Variants in DNAH8 observed in about 807,000 individuals in gnomAD.
DNAH8 encodes the protein dynein axonemal heavy chain 8.
Under a neutral mutation model 562.1 loss-of-function variants are expected in DNAH8, and 382 were observed. The observed-to-expected ratio is 0.68, with a 90% CI of 0.63 to 0.74. The LOEUF (loss-of-function observed/expected upper bound fraction) is 0.74. Ranked by LOEUF, DNAH8 falls within the 30% of genes least tolerant of loss-of-function variation. The pLI is 0.00. For synonymous variants in DNAH8, 1,881 were observed against 1,919.4 expected, an observed-to-expected ratio of 0.98 and a Z score of 0.52; for missense variants, 5,203 against 5,620.4, an observed-to-expected ratio of 0.93 and a Z score of 2.37.
chr6:38,813,148 C>A (rs1344008965), intron 24 of DNAH8, among the ~76,000 whole-genome samples: 1 of 152,094 alleles, frequency 6.6e-6, no homozygotes, highest in African/African-American at 2.4e-5. Context: ...CTTTATTATT[C>A]AACTGTTCCT....
chr6:38,731,960 C>A (rs1275707735), intron 4 of DNAH8, among the ~76,000 whole-genome samples: 1 of 152,218 alleles, frequency 6.6e-6, no homozygotes, highest in Non-Finnish European at 1.5e-5. Flanking sequence ...AGGTGATCCA[C>A]CTGCCTCGGC....
At chr6:38,934,601 A>G (rs1488626980) in intron 76 of DNAH8, among the ~76,000 whole-genome samples, 4 of 152,208 alleles carry the variant, frequency 2.6e-5, no homozygotes, top group Non-Finnish European at 4.4e-5. Flanking sequence ...GTATAAAATC[A>G]GAAGAAAAAT....
rs1256229286 is a variant in DNAH8, at chr6:39,026,641, A to G, written c.13810A>G (p.Lys4604Glu). The change falls in exon 92 of 93, where the codon AAG becomes GAG. Residue 4604 changes from lysine to glutamate, a missense_variant. Around this residue, in one of 6 missense-constraint regions of DNAH8, gnomAD observed 1,399 missense variants for 1,518.4 expected, o/e 0.92. Transcript: ENST00000327475. ...CCACAATGAAGTTCTGAGACAGACC[A>G]AGGAGGAGATCACGTCACCCCCTGG... ...TIHNEVLRQT[K>E]EEITSPPGEG... 5 of 1,613,582 alleles carry G rather than the reference A, an allele frequency of 3.1e-6. No individual in the cohort carries two copies. The African/African-American group carries it at 4.0e-5, about 13-fold the overall frequency.
chr6:38,825,507 T>C (rs987622773), intron 28 of DNAH8, among the ~76,000 whole-genome samples: 2 of 152,176 alleles, frequency 1.3e-5, no homozygotes, highest in African/African-American at 4.8e-5. Flanking sequence ...AGGGACAGTA[T>C]AGGAAGCTGA....
chr6:38,912,153 A>G (rs190971651), intron 66 of DNAH8, among the ~76,000 whole-genome samples: 121 of 152,216 alleles, frequency 7.9e-4, no homozygotes, highest in Non-Finnish European at 9.3e-4. Flanking sequence ...CTTAGTTCTT[A>G]TTTTTCAAGT....
chr6:38,866,870 T>C lies in DNAH8; in HGVS notation c.6687T>C (p.Thr2229=), dbSNP rs776574833. The change falls in exon 47 of 93, where the codon ACT becomes ACC. Residue 2229 remains threonine, a synonymous_variant. Transcript: ENST00000327475. ...VLYKLCEEQL[T]KQVHYDFGLR... ...ACAAACTCTGTGAAGAGCAACTTAC[T>C]AAACAGGTAACTTTATAGATCTGCT... is the stretch of plus-strand genomic sequence containing the variant. The C allele has an allele frequency of 2.5e-6, 4 of 1,591,542 alleles. No homozygotes were observed. The highest frequency in any genetic ancestry group is 1.3e-5 in the African/African-American group (1 of 74,512).
chr6:38,896,603 A>C (rs1256990390), intron 60 of DNAH8, among the ~76,000 whole-genome samples: 3 of 150,494 alleles, frequency 2.0e-5, no homozygotes, highest in Non-Finnish European at 4.5e-5. Context: ...ACAAACAAAC[A>C]AACAAAAAAA....
intron 88 of DNAH8, among the ~76,000 whole-genome samples, chr6:38,999,745 A>G (rs1238250993): frequency 6.6e-6 from 1 of 151,700 alleles, no homozygotes; most frequent in Non-Finnish European, 1.5e-5. Context: ...TGAACTTATC[A>G]ATTGTCAAAG....
At chr6:38,996,696 T>TCG (rs1765155501) in intron 88 of DNAH8, among the ~76,000 whole-genome samples, 1 of 149,108 alleles carries the variant, frequency 6.7e-6, no homozygotes, top group Non-Finnish European at 1.5e-5. Flanking sequence ...AAGGGGGGAC[T>TCG]GATAGGACTT....
At chr6:38,984,953 G>T (rs909683283) in intron 87 of DNAH8, among the ~76,000 whole-genome samples, 1 of 152,068 alleles carries the variant, frequency 6.6e-6, no homozygotes, top group Non-Finnish European at 1.5e-5. Flanking sequence ...CCGCATTCCT[G>T]TGCACCTCAC....
chr6:38,964,848 G>A (rs1037110066), intron 82 of DNAH8, among the ~76,000 whole-genome samples: 1 of 152,040 alleles, frequency 6.6e-6, no homozygotes, highest in South Asian at 2.1e-4. Context: ...GATCATTTGA[G>A]GTCAGGAGTT....
At chr6:38,895,525 A>C (rs529787167) in intron 59 of DNAH8, among the ~76,000 whole-genome samples, 1 of 152,330 alleles carries the variant, frequency 6.6e-6, no homozygotes, top group East Asian at 1.9e-4. Context: ...CTTTAAAGTT[A>C]AACAATCCCA....
At chr6:38,987,885 C>T (rs1764507112) in intron 87 of DNAH8, among the ~76,000 whole-genome samples, 1 of 152,198 alleles carries the variant, frequency 6.6e-6, no homozygotes, top group Admixed American at 6.5e-5. Context: ...AGGGCATGAG[C>T]TTACCACATG....
Position 38,909,583 on chromosome 6 carries a change from C to G in DNAH8, c.9579C>G (p.Asp3193Glu), listed in dbSNP as rs761889201. The G allele has an allele frequency of 1.9e-6, 3 of 1,614,142 alleles. No individual in the cohort carries two copies. The highest frequency in any genetic ancestry group is 1.7e-6 in the Non-Finnish European group (2 of 1,180,014). The change falls in exon 65 of 93, where the codon GAC becomes GAG. Residue 3193 changes from aspartate (D) to glutamate (E), a missense_variant. Transcript: ENST00000327475. ...GCTTGATATCAGGTTGCACTATGGACTGGTTCAGCCGCTGGCCAAGGGAGG... is the reference window on the plus strand; with the variant it reads ...GCTTGATATCAGGTTGCACTATGGAGTGGTTCAGCCGCTGGCCAAGGGAGG... ...FPGLISGCTM[D>E]WFSRWPREAL...
At chr6:38,973,050 G>A (rs1401813210) in intron 83 of DNAH8, among the ~76,000 whole-genome samples, 2 of 152,196 alleles carry the variant, frequency 1.3e-5, no homozygotes, top group Non-Finnish European at 2.9e-5. Flanking sequence ...AAGAAACTAT[G>A]TTCTCACAGG....
chr6:38,741,586 A>G, intron 7 of DNAH8, 125 bp from the exon 8 acceptor site: 3 of 735,996 alleles, frequency 4.1e-6, no homozygotes, highest in Non-Finnish European at 6.4e-6. Flanking sequence ...ATTTACTGAG[A>G]GTTTTTAAAC....
chr6:38,743,331 T>C (rs956884966), intron 8 of DNAH8, among the ~76,000 whole-genome samples: 1 of 152,216 alleles, frequency 6.6e-6, no homozygotes, highest in Non-Finnish European at 1.5e-5. Context: ...TATTAGGTTT[T>C]ATCTGATCAT....
intron 73 of DNAH8, among the ~76,000 whole-genome samples, chr6:38,924,504 C>A (rs1392717450): frequency 6.6e-6 from 1 of 151,554 alleles, no homozygotes; most frequent in Non-Finnish European, 1.5e-5. Flanking sequence ...AACTCCATCC[C>A]CCCCCCAAAA....
chr6:38,871,849 G>A lies in DNAH8; in HGVS notation c.6991-687G>A, dbSNP rs576484440. ...ATTTCCCATCCACCCCCAAACAAACGTCTCTAAGAGTTGATGGAGTAGGAA... is the reference window on the plus strand; with the variant it reads ...ATTTCCCATCCACCCCCAAACAAACATCTCTAAGAGTTGATGGAGTAGGAA... On this transcript the variant is annotated intron_variant, in intron 49 of 92. Transcript: ENST00000327475. Among the ~76,000 whole-genome samples the A allele has an allele frequency of 2.0e-5, 3 of 152,264 alleles. 1 individual carries two copies. The East Asian group carries it at 5.8e-4, about 29-fold the overall frequency.
Sources: gnomAD v4.1 joint callset for allele counts (sites outside exome capture counted in the v4.1 genomes callset) on GRCh38, gnomAD v4.1.1 for gene constraint, gnomAD v4.1.1 regional missense constraint, MANE v1.5 for transcripts, NCBI Gene and HGNC (gene_info 2026-07-23, HGNC 2026-07-21) for gene names.